Variants in MAPKAPK5 observed in about 807,000 individuals in gnomAD.
MAPKAPK5 encodes the protein MAP kinase-activated protein kinase 5.
Under a neutral mutation model 65.1 loss-of-function variants are expected in MAPKAPK5, and 30 were observed. The observed-to-expected ratio is 0.46, with a 90% CI of 0.34 to 0.63. The LOEUF is 0.63. Among genes scored for constraint, MAPKAPK5 ranks in the 20% least tolerant of loss-of-function variants. The probability of loss-of-function intolerance (pLI) is 0.01; values close to 1 mark genes in which losing one functional copy is unlikely to be tolerated. For synonymous variants in MAPKAPK5, 179 were observed against 204.6 expected (o/e 0.87, Z 1.07); for missense variants, 433 against 581.4 (o/e 0.74, Z 2.63).
chr12:111,868,889 C>G, intron 5 of MAPKAPK5, 28 bp downstream of exon 5: 1 of 1,511,144 alleles, frequency 6.6e-7, no homozygotes, highest in African/African-American at 1.4e-5. Context: ...ACCAATCAAA[C>G]TGCCACCAAA....
At chr12:111,853,526 A>G (rs529663140) in intron 1 of MAPKAPK5, among the ~76,000 whole-genome samples, 2 of 152,084 alleles carry the variant, frequency 1.3e-5, no homozygotes, top group East Asian at 3.9e-4. Flanking sequence ...AGGATTTTCT[A>G]CATATAAAAC....
intron 1 of MAPKAPK5, among the ~76,000 whole-genome samples, chr12:111,858,211 T>C (rs145343956): frequency 6.6e-6 from 1 of 152,148 alleles, no homozygotes; most frequent in Non-Finnish European, 1.5e-5. Flanking sequence ...GGTCTTGTCT[T>C]TCAGTGTTTT....
chr12:111,850,357 C>G (rs1203182231), intron 1 of MAPKAPK5, among the ~76,000 whole-genome samples: 1 of 152,176 alleles, frequency 6.6e-6, no homozygotes, highest in Non-Finnish European at 1.5e-5. Flanking sequence ...ATTGAAGATG[C>G]AGCTTTTACG....
At chr12:111,860,933 C>G (rs1314668069) in intron 1 of MAPKAPK5, among the ~76,000 whole-genome samples, 2 of 151,528 alleles carry the variant, frequency 1.3e-5, no homozygotes, top group African/African-American at 4.8e-5. Context: ...CCGAGGCAGG[C>G]AGATCACTTG....
chr12:111,891,013 T>G (rs956951334), intron 13 of MAPKAPK5, among the ~76,000 whole-genome samples: 1 of 152,174 alleles, frequency 6.6e-6, no homozygotes, highest in African/African-American at 2.4e-5. Context: ...AGACTTATGC[T>G]CCAGGATGCT....
intron 6 of MAPKAPK5, among the ~76,000 whole-genome samples, chr12:111,870,634 T>C (rs1214954223): frequency 6.6e-6 from 1 of 152,212 alleles, no homozygotes; most frequent in Non-Finnish European, 1.5e-5. Context: ...GGCAGGAATC[T>C]GTATGCTGTT....
chr12:111,876,934 ATTG>A (rs1429381870), intron 7 of MAPKAPK5, among the ~76,000 whole-genome samples: 1 of 152,112 alleles, frequency 6.6e-6, no homozygotes, highest in Non-Finnish European at 1.5e-5. Context: ...TTTCCACATC[ATTG>A]TTAACACTTG....
intron 7 of MAPKAPK5, among the ~76,000 whole-genome samples, chr12:111,877,592 G>T (rs1434462713): frequency 6.6e-6 from 1 of 152,140 alleles, no homozygotes; most frequent in East Asian, 1.9e-4. Context: ...GGAAGTGTCT[G>T]TTCAGACCTT....
intron 10 of MAPKAPK5, chr12:111,887,814 T>TACACACACACACAC (rs58382752): frequency 1.4e-5 from 2 of 144,984 alleles, no homozygotes; most frequent in African/African-American, 5.1e-5. Context: ...TTTTCTGGGA[T>TACACACACACACAC]ACACACACAC....
intron 1 of MAPKAPK5, among the ~76,000 whole-genome samples, chr12:111,861,970 G>T (rs1214978616): frequency 6.6e-6 from 1 of 152,150 alleles, no homozygotes; most frequent in African/African-American, 2.4e-5. Context: ...TTAATTTAAG[G>T]TAGTGTGTAT....
At chr12:111,884,731 C>T (rs1301942020) in intron 9 of MAPKAPK5, among the ~76,000 whole-genome samples, 9 of 152,192 alleles carry the variant, frequency 5.9e-5, no homozygotes, top group African/African-American at 2.2e-4. Context: ...CTTCACTGAG[C>T]AGTGTCTCCC....
intron 7 of MAPKAPK5, among the ~76,000 whole-genome samples, chr12:111,875,800 T>C (rs1318440492): frequency 1.3e-5 from 2 of 152,188 alleles, no homozygotes; most frequent in East Asian, 3.9e-4. Context: ...CACTTCCTCC[T>C]GCGCTCTGCC....
chr12:111,886,328 G>A (rs1446252355), intron 10 of MAPKAPK5, among the ~76,000 whole-genome samples: 1 of 152,202 alleles, frequency 6.6e-6, no homozygotes. Context: ...CTTTCCCCAA[G>A]GGGTTTAAAT....
chr12:111,863,268 A>G (rs1205946925), intron 1 of MAPKAPK5, among the ~76,000 whole-genome samples: 1 of 152,168 alleles, frequency 6.6e-6, no homozygotes, highest in Non-Finnish European at 1.5e-5. Context: ...GGGTCCTCCT[A>G]ACTCAATATC....
Position 111,894,557 on chromosome 12 carries a change from T to A in MAPKAPK5, c.*1496T>A, listed in dbSNP as rs181044350. The A allele has an allele frequency of 4.7e-4, 71 of 152,224 alleles. 1 individual carries two copies. The East Asian group carries it at 9.4e-3, about 20-fold the overall frequency. The allele number at this position is 152,224 out of a possible 1,614,324, so 9.4% of individuals were successfully genotyped here. On this transcript the variant is annotated 3_prime_UTR_variant, in exon 14 of 14. Coordinates refer to ENST00000550735, the MANE Select transcript of MAPKAPK5 (RefSeq NM_003668.4). ...ATGATCCAGTTTTGGTTTTTTTTTT[T>A]ATAAGGCTGCCCTGTTTCTCTGTAA... is the stretch of plus-strand genomic sequence containing the variant.
At position 111,855,916 on chromosome 12, in the gene MAPKAPK5, C is replaced by T. The variant is rs1196156329; in HGVS notation, c.37-9334C>T. Among the ~76,000 whole-genome samples the T allele has an allele frequency of 2.7e-5, 4 of 146,542 alleles. No individual in the cohort carries two copies. In the South Asian group the frequency reaches 6.5e-4, roughly 24 times the overall value. On this transcript the variant is annotated intron_variant, in intron 1 of 13. Coordinates refer to ENST00000550735, the MANE Select transcript of MAPKAPK5 (RefSeq NM_003668.4). ...TGTTGCCCAGGCTGGAGTGCAATGGCGTGATCTTGGTTCACCGCAACCTCT... is the reference window on the plus strand; with the variant it reads ...TGTTGCCCAGGCTGGAGTGCAATGGTGTGATCTTGGTTCACCGCAACCTCT...
Position 111,865,265 on chromosome 12 carries a change from G to T in MAPKAPK5, c.52G>T (p.Glu18Ter). The change falls in exon 2 of 14, where the codon GAA becomes TAA. Residue 18 changes from glutamate (E) to a stop codon, truncating the protein, a stop_gained. Transcript: ENST00000550735. LOFTEE classifies it high-confidence loss of function. ...ATATTAATAGGAAACTTCCATTTTA[G>T]AAGAATACAGTATCAATTGGACTCA... The part of the protein sequence containing the change: ...DKAIKETSIL[E>*]EYSINWTQKL... 1 of 1,582,258 alleles carries T rather than the reference G, an allele frequency of 6.3e-7. No homozygotes were observed. Among genetic ancestry groups the T allele is most frequent in the Admixed American group, 1.8e-5 (1 of 55,654 alleles).
intron 10 of MAPKAPK5, 77 bp downstream of exon 10, chr12:111,886,113 T>A: frequency 6.2e-7 from 1 of 1,603,184 alleles, no homozygotes; most frequent in Admixed American, 1.7e-5. Context: ...CAGTGAGGGG[T>A]TAGAGGCAAA....
At chr12:111,850,190 G>T (rs188051696) in intron 1 of MAPKAPK5, among the ~76,000 whole-genome samples, 4 of 151,880 alleles carry the variant, frequency 2.6e-5, no homozygotes, top group Non-Finnish European at 5.9e-5. Context: ...CACCATGCCC[G>T]CCTAATTTTT....
Sources: allele counts gnomAD v4.1 joint callset (sites outside exome capture counted in the v4.1 genomes callset), GRCh38; gene constraint gnomAD v4.1.1; transcripts MANE v1.5; gene names NCBI Gene and HGNC (gene_info 2026-07-23, HGNC 2026-07-21).